Variants in PEAK1 observed in about 807,000 individuals in gnomAD.
PEAK1 encodes inactive tyrosine-protein kinase PEAK1.
Under a neutral mutation model 124.7 loss-of-function variants are expected in PEAK1, and 54 were observed. The ratio of observed to expected loss-of-function variants is 0.43; its 90% CI spans 0.35 to 0.54. The LOEUF is 0.54. Ranked by LOEUF, PEAK1 falls within the 20% of genes least tolerant of loss-of-function variation. The probability of loss-of-function intolerance (pLI) is 0.01; values close to 1 mark genes in which losing one functional copy is unlikely to be tolerated. For synonymous variants in PEAK1, 719 were observed against 760.0 expected, an observed-to-expected ratio of 0.95 and a Z score of 0.89; for missense variants, 2,046 against 2,134.5, an observed-to-expected ratio of 0.96 and a Z score of 0.82.
intron 2 of PEAK1, among the ~76,000 whole-genome samples, chr15:77,356,926 G>T (rs2067554542): frequency 6.6e-6 from 1 of 152,170 alleles, no homozygotes; most frequent in South Asian, 2.1e-4. Flanking sequence ...GAATGAAGTA[G>T]ATCTACATAT....
chr15:77,388,985 T>A (rs1362899850), intron 1 of PEAK1, among the ~76,000 whole-genome samples: 1 of 147,800 alleles, frequency 6.8e-6, no homozygotes. Flanking sequence ...TTTTTGGAGA[T>A]AGGGTCTTGC....
chr15:77,331,620 C>T (rs1567269468), intron 2 of PEAK1, among the ~76,000 whole-genome samples: 2 of 151,652 alleles, frequency 1.3e-5, no homozygotes, highest in Admixed American at 6.6e-5. Flanking sequence ...TATTTATTTA[C>T]TTACTTATTT....
intron 8 of PEAK1, chr15:77,156,091 C>T (rs2055111614): frequency 1.3e-5 from 2 of 153,154 alleles, no homozygotes; most frequent in South Asian, 2.1e-4. Flanking sequence ...CTGTGCCCTG[C>T]CCCCAGAGGT....
At chr15:77,215,280 T>TA (rs2059098073) in intron 6 of PEAK1, among the ~76,000 whole-genome samples, 1 of 152,210 alleles carries the variant, frequency 6.6e-6, no homozygotes, top group African/African-American at 2.4e-5. Flanking sequence ...GTATTCTAGA[T>TA]ACAAGATCTT....
intron 8 of PEAK1, among the ~76,000 whole-genome samples, chr15:77,147,546 A>G (rs1309391628): frequency 1.3e-5 from 2 of 152,198 alleles, no homozygotes; most frequent in Non-Finnish European, 2.9e-5. Flanking sequence ...ATCTCTGTCT[A>G]TTTTGAGATA....
rs960720308 is a variant in PEAK1 at position 77,407,770 on chromosome 15, G to A, written c.-666+12236C>T. Among the ~76,000 whole-genome samples the A allele has an allele frequency of 1.5e-4, 23 of 151,868 alleles. 1 individual carries two copies. The highest frequency in any genetic ancestry group is 5.6e-4 in the African/African-American group (23 of 41,316). The stretch of plus-strand genomic sequence containing the variant: ...CCCACTCCTGAGTATCTACCCAGAG[G>A]AAAAGAAGTCATCATATGAACAAGA... On this transcript the variant is annotated intron_variant, in intron 1 of 9. Coordinates refer to ENST00000682557, the MANE Select transcript of PEAK1 (RefSeq NM_001385026.1).
chr15:77,176,277 G>GAAAAAAAAAAAAAAAA (rs71211213), intron 7 of PEAK1, among the ~76,000 whole-genome samples: 1 of 103,316 alleles, frequency 9.7e-6, no homozygotes, highest in South Asian at 3.0e-4. Flanking sequence ...AAAAAGAAAA[G>GAAAAAAAAAAAAAAAA]AAAAAAAAAA....
intron 8 of PEAK1, among the ~76,000 whole-genome samples, chr15:77,152,700 G>A (rs547861851): frequency 1.8e-3 from 279 of 152,202 alleles, no homozygotes; most frequent in African/African-American, 6.5e-3. Context: ...TAGCATGAAG[G>A]GTTGTTGAAT....
chr15:77,344,187 C>T (rs534461445), intron 2 of PEAK1, among the ~76,000 whole-genome samples: 294 of 152,266 alleles, frequency 1.9e-3, no homozygotes, highest in Non-Finnish European at 3.3e-3. Context: ...CTCCGCCTCC[C>T]GGGTTCACGC....
At chr15:77,248,145 C>A (rs970176568) in intron 6 of PEAK1, among the ~76,000 whole-genome samples, 1 of 152,172 alleles carries the variant, frequency 6.6e-6, no homozygotes, top group South Asian at 2.1e-4. Flanking sequence ...GATCCTCTCA[C>A]TTTGGCTTCT....
chr15:77,105,345 TGTGTGTGTGTGTGCGCGCGTGC>T (rs781698972), downstream of PEAK1: 9 of 141,048 alleles, frequency 6.4e-5, no homozygotes, highest in Non-Finnish European at 9.1e-5. Context: ...TGTGTGTGTG[TGTGTGTGTGTGTGCGCGCGTGC>T]GCGCACATAC....
chr15:77,215,527 T>C (rs920163259), intron 6 of PEAK1, among the ~76,000 whole-genome samples: 5 of 152,268 alleles, frequency 3.3e-5, no homozygotes, highest in East Asian at 1.9e-4. Flanking sequence ...TTATAACACC[T>C]AATACAATGT....
At chr15:77,254,755 T>C in intron 5 of PEAK1, among the ~76,000 whole-genome samples, 1 of 152,288 alleles carries the variant, frequency 6.6e-6, no homozygotes, top group Non-Finnish European at 1.5e-5. Context: ...TTATGCATCC[T>C]TCTAGTCAAC....
chr15:77,270,659 T>C (rs2061981293), intron 5 of PEAK1, among the ~76,000 whole-genome samples: 1 of 152,158 alleles, frequency 6.6e-6, no homozygotes, highest in Non-Finnish European at 1.5e-5. Flanking sequence ...CAATGAGGGC[T>C]CTTTTTTGGT....
chr15:77,261,479 G>A (rs541348448), intron 5 of PEAK1, among the ~76,000 whole-genome samples: 3 of 152,168 alleles, frequency 2.0e-5, no homozygotes, highest in African/African-American at 4.8e-5. Flanking sequence ...ATGAATGCAC[G>A]AGCCTCAGCA....
chr15:77,387,718 CA>C (rs1216833045), intron 1 of PEAK1, among the ~76,000 whole-genome samples: 1 of 152,010 alleles, frequency 6.6e-6, no homozygotes, highest in Non-Finnish European at 1.5e-5. Context: ...AAAAAACAAG[CA>C]ATAATTATCT....
intron 5 of PEAK1, among the ~76,000 whole-genome samples, chr15:77,279,637 C>A (rs1326672219): frequency 4.6e-5 from 7 of 152,164 alleles, no homozygotes; most frequent in Non-Finnish European, 8.8e-5. Context: ...GAAATGTCAA[C>A]CCTCACTCTA....
intron 6 of PEAK1, among the ~76,000 whole-genome samples, chr15:77,187,357 T>C (rs1354845348): frequency 6.6e-6 from 1 of 152,162 alleles, no homozygotes; most frequent in East Asian, 1.9e-4. Context: ...TTCTCTCTAC[T>C]GCCATACAAT....
chr15:77,128,603 G>A (rs759550193), intron 9 of PEAK1, among the ~76,000 whole-genome samples: 5 of 152,204 alleles, frequency 3.3e-5, no homozygotes, highest in Non-Finnish European at 7.3e-5. Flanking sequence ...TTCTTGGGCC[G>A]AAGATTTAAT....
Sources: gnomAD v4.1 joint callset for allele counts (sites outside exome capture counted in the v4.1 genomes callset) on GRCh38, gnomAD v4.1.1 for gene constraint, MANE v1.5 for transcripts, NCBI Gene and HGNC (gene_info 2026-07-23, HGNC 2026-07-21) for gene names.